The following THRB variants were observed in gnomAD, a reference collection of about 807,000 sequenced individuals.
THRB encodes the protein nuclear receptor subfamily 1 group A member 2.
Under a neutral mutation model 47.8 loss-of-function variants are expected in THRB, and 12 were observed. The ratio of observed to expected loss-of-function variants is 0.25; its 90% confidence interval spans 0.16 to 0.41. THRB has a LOEUF of 0.41. Among genes scored for constraint, THRB ranks in the 10% least tolerant of loss-of-function variants. The pLI is 1.00. For missense variants in THRB, 348 were observed against 589.2 expected (o/e 0.59, Z 4.24); for synonymous variants, 218 against 212.2 (o/e 1.03, Z -0.24).
intron 1 of THRB, among the ~76,000 whole-genome samples, chr3:24,352,469 G>A (rs745845738): frequency 2.6e-4 from 40 of 152,150 alleles, no homozygotes; most frequent in Non-Finnish European, 5.7e-4. Flanking sequence ...AAATGACAAG[G>A]AATGTAACAG....
intron 4 of THRB, among the ~76,000 whole-genome samples, chr3:24,210,687 TC>T (rs2045931205): frequency 6.6e-6 from 1 of 152,184 alleles, no homozygotes; most frequent in African/African-American, 2.4e-5. Context: ...GCACTGGAGT[TC>T]CTAATTTACA....
intron 4 of THRB, among the ~76,000 whole-genome samples, chr3:24,207,077 C>A (rs946997877): frequency 6.6e-6 from 1 of 152,186 alleles, no homozygotes; most frequent in African/African-American, 2.4e-5. Context: ...CAAGGAAGAG[C>A]TGGTACCATT....
intron 3 of THRB, among the ~76,000 whole-genome samples, chr3:24,256,411 G>A (rs2051286777): frequency 6.6e-6 from 1 of 152,086 alleles, no homozygotes; most frequent in Admixed American, 6.5e-5. Flanking sequence ...TCAGAAGTTT[G>A]GCTGGAAAGA....
At chr3:24,246,042 A>G (rs150861493) in intron 3 of THRB, among the ~76,000 whole-genome samples, 44 of 152,326 alleles carry the variant, frequency 2.9e-4, no homozygotes, top group African/African-American at 9.9e-4. Context: ...GAATAGCTAC[A>G]TCAGCTTGTT....
chr3:24,241,742 A>G (rs1175415612), intron 3 of THRB, among the ~76,000 whole-genome samples: 1 of 152,104 alleles, frequency 6.6e-6, no homozygotes, highest in African/African-American at 2.4e-5. Flanking sequence ...GGGTTCTCAA[A>G]GTATGCAGGC....
At chr3:24,494,362 T>C (rs13090120) in intron 1 of THRB, 13,676 of 152,306 alleles carry the variant, frequency 0.09, 818 homozygotes, top group Admixed American at 0.19. Flanking sequence ...GCCGCTGCGA[T>C]TGGAACAGAG....
intron 2 of THRB, among the ~76,000 whole-genome samples, chr3:24,298,310 C>T: frequency 6.6e-6 from 1 of 152,156 alleles, no homozygotes; most frequent in East Asian, 1.9e-4. Flanking sequence ...CCCTACAATC[C>T]CTCCCTTCTA....
intron 1 of THRB, among the ~76,000 whole-genome samples, chr3:24,472,127 A>T (rs1694792263): frequency 6.6e-6 from 1 of 152,182 alleles, no homozygotes; most frequent in Non-Finnish European, 1.5e-5. Context: ...AAAATTAAGC[A>T]ATTTTTTCTC....
In THRB at chr3:24,240,823, G is replaced by A. The variant is rs369557704; in HGVS notation, c.-42-11822C>T. Reference sequence around the variant, plus strand: ...AGGTGATCTGGATATACTTTCCAGGGCCCACATGTTGAGAACCACCAGCCT... The same window carrying A: ...AGGTGATCTGGATATACTTTCCAGGACCCACATGTTGAGAACCACCAGCCT... On this transcript the variant is annotated intron_variant, in intron 3 of 10. Transcript: ENST00000646209. Among the ~76,000 whole-genome samples, 37 of 150,472 alleles carry A rather than the reference G, an allele frequency of 2.5e-4. No homozygotes were observed. In the South Asian group the frequency reaches 6.9e-3, roughly 28 times the overall value.
intron 4 of THRB, among the ~76,000 whole-genome samples, chr3:24,213,817 T>C (rs1003041972): frequency 6.6e-6 from 1 of 152,152 alleles, no homozygotes; most frequent in African/African-American, 2.4e-5. Flanking sequence ...TGGATGGCAT[T>C]TGGTTAATGG....
intron 1 of THRB, among the ~76,000 whole-genome samples, chr3:24,438,748 C>T (rs756552326): frequency 3.3e-5 from 5 of 152,144 alleles, no homozygotes; most frequent in East Asian, 3.9e-4. Flanking sequence ...GGCCCTCTAC[C>T]CTCTTATCCA....
intron 1 of THRB, among the ~76,000 whole-genome samples, chr3:24,354,654 G>C (rs1019072742): frequency 3.3e-5 from 5 of 152,138 alleles, no homozygotes; most frequent in Admixed American, 2.6e-4. Context: ...GAGGGGATGA[G>C]TTTCGGCTCT....
chr3:24,289,634 T>C (rs1212543034), intron 3 of THRB, among the ~76,000 whole-genome samples: 2 of 152,248 alleles, frequency 1.3e-5, no homozygotes, highest in Non-Finnish European at 1.5e-5. Flanking sequence ...CTTTTTATTA[T>C]AGCAGCTACT....
At chr3:24,377,515 GT>G (rs753065215) in intron 1 of THRB, among the ~76,000 whole-genome samples, 53 of 152,180 alleles carry the variant, frequency 3.5e-4, no homozygotes, top group Admixed American at 9.8e-4. Flanking sequence ...AGATGTGGCT[GT>G]GGTGATTTCA....
chr3:24,419,159 AG>A (rs2069009376), intron 1 of THRB, among the ~76,000 whole-genome samples: 1 of 151,938 alleles, frequency 6.6e-6, no homozygotes, highest in Admixed American at 6.6e-5. Context: ...AAAGAAATTG[AG>A]AAATATTGGG....
intron 1 of THRB, among the ~76,000 whole-genome samples, chr3:24,394,586 C>G (rs903719674): frequency 3.3e-5 from 5 of 152,014 alleles, no homozygotes; most frequent in African/African-American, 7.2e-5. Context: ...ATGTCATAAC[C>G]TTCCTAGAAG....
intron 1 of THRB, among the ~76,000 whole-genome samples, chr3:24,386,739 A>G (rs567918919): frequency 9.1e-4 from 139 of 152,308 alleles, no homozygotes; most frequent in African/African-American, 3.1e-3. Context: ...ATTTGGCTTC[A>G]GGCAACCTGG....
In THRB at chr3:24,310,885, C is replaced by T. The variant is rs116472891; in HGVS notation, c.-188-13514G>A. ...CAAAAATCCTGCCCGAAAAGGAACT[C>T]TCTTTCTCATGGCAGGACATTGTTT... On this transcript the variant is annotated intron_variant, in intron 2 of 10. Transcript: ENST00000646209. Among the ~76,000 whole-genome samples the T allele has an allele frequency of 4.6e-3, 707 of 152,294 alleles. 12 individuals are homozygous for T. Among genetic ancestry groups the T allele is most frequent in the African/African-American group, 0.016 (663 of 41,566 alleles).
intron 4 of THRB, among the ~76,000 whole-genome samples, chr3:24,199,173 G>T (rs996528005): frequency 2.6e-5 from 4 of 152,076 alleles, no homozygotes; most frequent in Non-Finnish European, 4.4e-5. Context: ...CCTAATCAGG[G>T]TGCACTCATC....
Sources: gnomAD v4.1 joint callset for allele counts (sites outside exome capture counted in the v4.1 genomes callset) on GRCh38, gnomAD v4.1.1 for gene constraint, MANE v1.5 for transcripts, NCBI Gene and HGNC (gene_info 2026-07-23, HGNC 2026-07-21) for gene names.